MOSPD3: variants seen among roughly 807,000 people sequenced by gnomAD.
MOSPD3 encodes the protein motile sperm domain-containing protein 3.
In MOSPD3, 20 loss-of-function variants were observed where a neutral mutation model predicts 23.3. That is an observed-to-expected ratio of 0.86 (90% CI 0.61 to 1.25). The LOEUF (loss-of-function observed/expected upper bound fraction) is 1.25. Among genes scored for constraint, MOSPD3 ranks in the 50% most tolerant of loss-of-function variants. The pLI is 0.00. For missense variants in MOSPD3, 307 were observed against 315.7 expected, an observed-to-expected ratio of 0.97 and a Z score of 0.21; for synonymous variants, 136 against 135.2, an observed-to-expected ratio of 1.01 and a Z score of -0.04.
chr7:100,613,608 C>T lies in MOSPD3; in HGVS notation c.413C>T (p.Pro138Leu), dbSNP rs759882862. ...GACATTACCTCCATTCTGAGAGCCC[C>T]AGCGTACCCCCTTGAGCTTCAGGGA... ...RKDITSILRA[P>L]AYPLELQGQP... Residue 138 changes from proline to leucine, a missense_variant, in exon 3 of 5, where the codon CCA (proline) becomes CTA (leucine). Transcript: ENST00000393950. The T allele has an allele frequency of 1.2e-6, 2 of 1,614,146 alleles. No individual in the cohort carries two copies. The highest frequency in any genetic ancestry group is 1.7e-6 in the Non-Finnish European group (2 of 1,180,030).
Position 100,615,227 on chromosome 7 carries a change from G to T in MOSPD3, c.*44G>T, listed in dbSNP as rs866886096. 1.9e-6 allele frequency: 3 copies of T among 1,596,232 alleles called. No homozygotes were observed. The South Asian group carries it at 3.4e-5, about 18-fold the overall frequency. ...AGCCCACCCCACCCTCCCTGGGCAG[G>T]GTCTTGAGGCAGCCACTGTGATGCT... On this transcript the variant is annotated 3_prime_UTR_variant, in exon 5 of 5. Transcript: ENST00000393950.
chr7:100,614,277 A>G (rs2131298354), intron 3 of MOSPD3, among the ~76,000 whole-genome samples: 1 of 152,102 alleles, frequency 6.6e-6, no homozygotes, highest in African/African-American at 2.4e-5. Flanking sequence ...CAGCCTGACC[A>G]ACATGATGGA....
In MOSPD3 at chr7:100,612,555, G is replaced by T; in HGVS notation, c.-237G>T. 2.3e-6 allele frequency: 1 copy of T among 430,292 alleles called. No individual in the cohort carries two copies. The allele number at this position is 430,292 out of a possible 1,614,324, so 26.7% of individuals were successfully genotyped here. A position where few individuals can be genotyped will look rare whatever the true frequency, so the allele number is the denominator to read the frequency against. ...CGGGGTGGGCGTGGCCGTCGAGGTGGGGCTCGGCGGGTCCGAAGGAACCTG... is the reference window on the plus strand; with the variant it reads ...CGGGGTGGGCGTGGCCGTCGAGGTGTGGCTCGGCGGGTCCGAAGGAACCTG... On this transcript the variant is annotated 5_prime_UTR_variant, in exon 1 of 5. Transcript: ENST00000393950.
rs1802871977 is a variant in MOSPD3, at chr7:100,612,905, C to A, written c.114C>A (p.Pro38=). The change falls in exon 1 of 5, where the codon CCC becomes CCA. Residue 38 remains proline, a synonymous_variant. Transcript: ENST00000393950. ...LGPVVPVLVF[P]PDLVFRADQR... ...CCGTTGTCCCGGTCCTGGTCTTTCC[C>A]CCGGATCTAGTATTCAGGGCGGACC... The A allele has an allele frequency of 6.2e-7, 1 of 1,613,564 alleles. No individual in the cohort carries two copies. The highest frequency in any genetic ancestry group is 1.3e-5 in the African/African-American group (1 of 74,974).
In MOSPD3 at chr7:100,612,837, CCCCCTGGGCGGGGGTCCCGGGGCG is replaced by C; in HGVS notation, c.52_75del (p.Gly18_Pro25del). 4 of 1,609,766 alleles carry C rather than the reference CCCCCTGGGCGGGGGTCCCGGGGCG, an allele frequency of 2.5e-6. No individual in the cohort carries two copies. Among genetic ancestry groups the C allele is most frequent in the Non-Finnish European group, 3.4e-6 (4 of 1,178,826 alleles). ...GGACCAGGAGCTGGTGGGTCCGGGG[CCCCCTGGGCGGGGGTCCCGGGGCG>C]CCCCTCCTCCCTTGGGACCCGTTGT... On this transcript the variant is annotated inframe_deletion, in exon 1 of 5. Transcript: ENST00000393950.
rs1802860010 is a variant in MOSPD3, at chr7:100,612,673, G to T, written c.-119G>T. ...GGGTTCCAAGGCGGCGGCGGCATCA[G>T]TCGAGGCCCTGCTCCGGGAGCTCAT... On this transcript the variant is annotated 5_prime_UTR_variant, in exon 1 of 5. Coordinates refer to ENST00000393950, the MANE Select transcript of MOSPD3 (RefSeq NM_023948.5). The T allele has an allele frequency of 2.7e-6, 2 of 750,484 alleles. No individual in the cohort carries two copies. The highest frequency in any genetic ancestry group is 4.2e-6 in the Non-Finnish European group (2 of 476,682). The allele number at this position is 750,484 out of a possible 1,614,324, so 46.5% of individuals were successfully genotyped here.
Position 100,612,725 on chromosome 7 carries a change from C to A in MOSPD3, c.-67C>A. On this transcript the variant is annotated 5_prime_UTR_variant, in exon 1 of 5. Transcript: ENST00000393950. Reference sequence around the variant, plus strand: ...TTGTCCCCTTTCGCCCCTCACGCCCCCCAGCTCTGACTCCAGGCCCTGTCC... The same window carrying A: ...TTGTCCCCTTTCGCCCCTCACGCCCACCAGCTCTGACTCCAGGCCCTGTCC... 1 of 1,326,030 alleles carries A rather than the reference C, an allele frequency of 7.5e-7. No homozygotes were observed. The highest frequency in any genetic ancestry group is 2.4e-5 in the East Asian group (1 of 42,038). 82.1% of individuals were successfully genotyped at this position (1,326,030 alleles called of 1,614,324 possible).
Position 100,613,462 on chromosome 7 carries a change from C to T in MOSPD3, c.282-15C>T, listed in dbSNP as rs1156337003. On this transcript the variant is annotated splice_polypyrimidine_tract_variant and intron_variant, in intron 2 of 4. Transcript: ENST00000393950. ...TCATTCACCCCAATGGGCTTCTCTCCTACCTTGGGACCAGTGTGATTCGCC... is the reference window on the plus strand; with the variant it reads ...TCATTCACCCCAATGGGCTTCTCTCTTACCTTGGGACCAGTGTGATTCGCC... 1.9e-6 allele frequency: 3 copies of T among 1,613,372 alleles called. No individual in the cohort carries two copies. The highest frequency in any genetic ancestry group is 2.5e-6 in the Non-Finnish European group (3 of 1,179,330).
At chr7:100,613,321 A>T (rs893810417) in intron 2 of MOSPD3, 52 bp downstream of exon 2, 1 of 1,577,494 alleles carries the variant, frequency 6.3e-7, no homozygotes, top group African/African-American at 1.4e-5. Flanking sequence ...GGTCGCTGCC[A>T]CCTGTTGTCT....
Position 100,612,625 on chromosome 7 carries a change from G to A in MOSPD3, c.-167G>A, listed in dbSNP as rs1380014682. On this transcript the variant is annotated 5_prime_UTR_variant, in exon 1 of 5. Transcript: ENST00000393950. ...AAGGTCTTGGGGGCCCTGGGCCTGG[G>A]TCTGCGGGAGCCCCATCTAGCGGGG... 2 of 547,138 alleles carry A rather than the reference G, an allele frequency of 3.7e-6. No homozygotes were observed. Among genetic ancestry groups the A allele is most frequent in the Admixed American group, 3.4e-5 (1 of 29,056 alleles). The allele number at this position is 547,138 out of a possible 1,614,324, so 33.9% of individuals were successfully genotyped here.
Position 100,613,576 on chromosome 7 carries a change from A to G in MOSPD3, c.381A>G (p.Gly127=), listed in dbSNP as rs1436567426. The part of the protein sequence containing the change: ...SEEGAEGRVV[G]RKDITSILRA... ...AAGGAGCTGAGGGCCGAGTGGTGGG[A>G]CGCAAGGACATTACCTCCATTCTGA... Residue 127 remains glycine, a synonymous_variant, in exon 3 of 5, where the codon GGA becomes GGG. Transcript: ENST00000393950. 1 of 1,614,114 alleles carries G rather than the reference A, an allele frequency of 6.2e-7. No individual in the cohort carries two copies. Among genetic ancestry groups the G allele is most frequent in the East Asian group, 2.2e-5 (1 of 44,876 alleles).
At chr7:100,613,367 C>T in intron 2 of MOSPD3, 98 bp downstream of exon 2, 1 of 1,542,374 alleles carries the variant, frequency 6.5e-7, no homozygotes. Flanking sequence ...ACCTATTTGC[C>T]CTATCCTCTG....
intron 3 of MOSPD3, 105 bp from the exon 4 acceptor site, chr7:100,614,758 ATAAT>A: frequency 4.0e-6 from 5 of 1,245,528 alleles, no homozygotes; most frequent in Non-Finnish European, 4.4e-6. Context: ...AAAATAAAAG[ATAAT>A]TAAAAAAAAA....
At position 100,613,485 on chromosome 7, in the gene MOSPD3, G is replaced by A. The variant is rs774419314; in HGVS notation, c.290G>A (p.Arg97His). ...KPQSCIDIVI[R>H]HVAPIPSHYD... ...TCCTACCTTGGGACCAGTGTGATTC[G>A]CCATGTGGCACCCATTCCCAGCCAC... Residue 97 changes from arginine (R) to histidine (H), a missense_variant, in exon 3 of 5, where the codon CGC (arginine) becomes CAC (histidine). Transcript: ENST00000393950. 6.2e-7 allele frequency: 1 copy of A among 1,614,000 alleles called. No homozygotes were observed. Among genetic ancestry groups the A allele is most frequent in the Non-Finnish European group, 8.5e-7 (1 of 1,180,004 alleles).
chr7:100,613,368 C>G (rs1379608890), intron 2 of MOSPD3, 99 bp downstream of exon 2: 4 of 1,541,748 alleles, frequency 2.6e-6, no homozygotes, highest in Non-Finnish European at 3.6e-6. Flanking sequence ...CCTATTTGCC[C>G]TATCCTCTGC....
In MOSPD3 at chr7:100,615,027, C is replaced by T. The variant is rs746482819; in HGVS notation, c.672C>T (p.Val224=). ...SLGQKLVAAY[V]LGLLTMVFLR... is the part of the protein sequence containing the mutation. ...GACAAAAGTTGGTGGCCGCCTACGT[C>T]TTGGGTGAGGACAGTAGTGGCCAGG... Residue 224 remains valine (V), a synonymous_variant, in exon 4 of 5, where the codon GTC becomes GTT. Transcript: ENST00000393950. 1.2e-6 allele frequency: 2 copies of T among 1,614,210 alleles called. No homozygotes were observed. The highest frequency in any genetic ancestry group is 1.7e-5 in the Admixed American group (1 of 60,032).
rs1228892667 is a variant in MOSPD3, at chr7:100,612,726, C to T, written c.-66C>T. On this transcript the variant is annotated 5_prime_UTR_variant, in exon 1 of 5. Coordinates refer to ENST00000393950, the MANE Select transcript of MOSPD3 (RefSeq NM_023948.5). ...TGTCCCCTTTCGCCCCTCACGCCCC[C>T]CAGCTCTGACTCCAGGCCCTGTCCC... The T allele has an allele frequency of 2.3e-6, 3 of 1,327,098 alleles. No homozygotes were observed. The highest frequency in any genetic ancestry group is 1.0e-6 in the Non-Finnish European group (1 of 968,494). 82.2% of individuals were successfully genotyped at this position (1,327,098 alleles called of 1,614,324 possible). A position where few individuals can be genotyped will look rare whatever the true frequency, so the allele number is the denominator to read the frequency against.
chr7:100,615,146 C>G lies in MOSPD3; in HGVS notation c.677-6C>G, dbSNP rs368279371. 3.4e-5 allele frequency: 55 copies of G among 1,614,128 alleles called. No individual in the cohort carries two copies. Among genetic ancestry groups the G allele is most frequent in the Non-Finnish European group, 4.2e-5 (49 of 1,180,008 alleles). ...CGACCCTATTCTTTCTTTGTCCCCC[C>G]TCCAGGCCTCCTCACCATGGTGTTC... On this transcript the variant is annotated splice_polypyrimidine_tract_variant and splice_region_variant and intron_variant, in intron 4 of 4. Transcript: ENST00000393950.
Position 100,615,023 on chromosome 7 carries a change from A to G in MOSPD3, c.668A>G (p.Tyr223Cys), listed in dbSNP as rs1188550569. 1 of 1,614,184 alleles carries G rather than the reference A, an allele frequency of 6.2e-7. No homozygotes were observed. The highest frequency in any genetic ancestry group is 2.2e-5 in the East Asian group (1 of 44,884). ...CTGGGACAAAAGTTGGTGGCCGCCT[A>G]CGTCTTGGGTGAGGACAGTAGTGGC... ...VSLGQKLVAA[Y>C]VLGLLTMVFL... is the part of the protein sequence containing the mutation. Residue 223 changes from tyrosine to cysteine, a missense_variant, in exon 4 of 5, where the codon TAC becomes TGC. Tyr to Cys is a radical substitution (Grantham distance 194). Coordinates refer to ENST00000393950, the MANE Select transcript of MOSPD3 (RefSeq NM_023948.5).
Sources: allele counts gnomAD v4.1 joint callset (sites outside exome capture counted in the v4.1 genomes callset), GRCh38; gene constraint gnomAD v4.1.1; transcripts MANE v1.5; gene names NCBI Gene and HGNC (gene_info 2026-07-23, HGNC 2026-07-21).